SRFBP1: variants seen among roughly 807,000 people sequenced by gnomAD.
SRFBP1 encodes serum response factor binding protein 1, also known as serum response factor-binding protein 1.
SRFBP1 carries 47 observed loss-of-function variants against 45.5 expected under a neutral mutation model. The observed-to-expected ratio is 1.03, with a 90% CI of 0.82 to 1.32. The LOEUF (loss-of-function observed/expected upper bound fraction) is 1.32, where lower values mean the gene tolerates loss of function less well. Among genes scored for constraint, SRFBP1 ranks in the 40% most tolerant of loss-of-function variants. The probability of loss-of-function intolerance (pLI) is 0.00; values close to 1 mark genes in which losing one functional copy is unlikely to be tolerated. For missense variants in SRFBP1, 621 were observed against 484.6 expected (o/e 1.28, Z -2.64); for synonymous variants, 203 against 166.3 (o/e 1.22, Z -1.70).
In SRFBP1 at chr5:122,058,862, A is replaced by G. The variant is rs182225949; in HGVS notation, n.312-16453A>G. 4.6e-5 allele frequency among the ~76,000 whole-genome samples: 7 copies of G among 152,294 alleles called. No homozygotes were observed. The East Asian group carries it at 1.2e-3, about 25-fold the overall frequency. Reference sequence around the variant, plus strand: ...AGCATGGTACCTCAGTGAAATGAGCATTATTTATTTATGCCAACCAACTAA... The same window carrying G: ...AGCATGGTACCTCAGTGAAATGAGCGTTATTTATTTATGCCAACCAACTAA... On this transcript the variant is annotated intron_variant and non_coding_transcript_variant, in intron 2 of 2. Transcript: ENST00000504881.
chr5:121,990,768 C>T (rs1031103995), intron 3 of SRFBP1, among the ~76,000 whole-genome samples: 1 of 152,104 alleles, frequency 6.6e-6, no homozygotes, highest in African/African-American at 2.4e-5. Flanking sequence ...TTATTGTAAG[C>T]AAAAGTTGTT....
chr5:122,009,475 A>G (rs1475212639), intron 4 of SRFBP1, among the ~76,000 whole-genome samples: 4 of 152,138 alleles, frequency 2.6e-5, no homozygotes, highest in East Asian at 3.9e-4. Context: ...ACTATGTGTT[A>G]TATCTGTGAT....
At chr5:121,971,459 G>A (rs1054103276) in intron 1 of SRFBP1, among the ~76,000 whole-genome samples, 1 of 151,918 alleles carries the variant, frequency 6.6e-6, no homozygotes, top group African/African-American at 2.4e-5. Flanking sequence ...CACAAAAGAA[G>A]GGAAGGGTTT....
intron 2 of SRFBP1, among the ~76,000 whole-genome samples, chr5:122,049,443 C>T (rs1461215551): frequency 6.6e-6 from 1 of 152,086 alleles, no homozygotes; most frequent in East Asian, 1.9e-4. Context: ...TTTAACACCC[C>T]ACTGTCAACA....
chr5:122,036,625 A>T (rs947393077), intron 2 of SRFBP1, among the ~76,000 whole-genome samples: 11 of 152,276 alleles, frequency 7.2e-5, no homozygotes, highest in African/African-American at 2.6e-4. Context: ...ATTTACGCCT[A>T]TGTGATTGAC....
intron 4 of SRFBP1, among the ~76,000 whole-genome samples, chr5:122,002,634 G>A (rs1752894406): frequency 6.6e-6 from 1 of 152,154 alleles, no homozygotes; most frequent in African/African-American, 2.4e-5. Flanking sequence ...GTTCATGGCA[G>A]TAATTATGTG....
At chr5:122,060,600 C>G (rs1257392610) in intron 2 of SRFBP1, among the ~76,000 whole-genome samples, 1 of 152,090 alleles carries the variant, frequency 6.6e-6, no homozygotes, top group Non-Finnish European at 1.5e-5. Flanking sequence ...GAAATACCTT[C>G]CCCTGAGCTT....
At chr5:121,994,147 A>G (rs1017300281) in intron 3 of SRFBP1, among the ~76,000 whole-genome samples, 2 of 151,934 alleles carry the variant, frequency 1.3e-5, no homozygotes, top group Non-Finnish European at 2.9e-5. Flanking sequence ...CCTTTATTTC[A>G]TGAAGTTTCT....
intron 3 of SRFBP1, among the ~76,000 whole-genome samples, chr5:121,982,367 T>C (rs759822958): frequency 1.6e-4 from 25 of 151,922 alleles, no homozygotes; most frequent in Non-Finnish European, 3.4e-4. Flanking sequence ...CATACTGAAA[T>C]CCCAGTTTGC....
intron 2 of SRFBP1, among the ~76,000 whole-genome samples, chr5:122,042,147 A>G (rs371645350): frequency 1.3e-5 from 2 of 152,140 alleles, no homozygotes; most frequent in African/African-American, 4.8e-5. Flanking sequence ...TTTCTGTATT[A>G]AGTTATCTGT....
chr5:122,073,951 A>G (rs1754532815), intron 2 of SRFBP1: 1 of 1,472,740 alleles, frequency 6.8e-7, no homozygotes, highest in South Asian at 1.2e-5. Flanking sequence ...AATGCTAACT[A>G]ACGGTAGATG....
intron 2 of SRFBP1, among the ~76,000 whole-genome samples, chr5:122,048,942 C>G (rs1753916086): frequency 6.6e-6 from 1 of 151,994 alleles, no homozygotes; most frequent in Non-Finnish European, 1.5e-5. Context: ...CTCTTTTCTT[C>G]TTTATTAGTA....
chr5:122,035,222 C>T (rs1360591742), intron 2 of SRFBP1, among the ~76,000 whole-genome samples: 1 of 152,096 alleles, frequency 6.6e-6, no homozygotes, highest in Non-Finnish European at 1.5e-5. Context: ...ATCTTTCCTA[C>T]AGCAGCAGCC....
In SRFBP1 at chr5:121,980,257, TATA is replaced by T. The variant is rs571420405; in HGVS notation, c.198+4874_198+4876del. On this transcript the variant is annotated intron_variant, in intron 3 of 7. Coordinates refer to ENST00000339397, the MANE Select transcript of SRFBP1 (RefSeq NM_152546.3). ...TCAAACCTATAGAAAATTGTAATAC[TATA>T]ATATAATAATAGTGTTTTGTATCAC... 7.2e-3 allele frequency among the ~76,000 whole-genome samples: 1,092 copies of T among 152,326 alleles called. 4 individuals are homozygous for T. Among genetic ancestry groups the T allele is most frequent in the Non-Finnish European group, 0.012 (787 of 68,012 alleles).
At chr5:122,033,981 G>A (rs1327732725) in intron 2 of SRFBP1, among the ~76,000 whole-genome samples, 6 of 151,226 alleles carry the variant, frequency 4.0e-5, no homozygotes, top group South Asian at 2.1e-4. Context: ...ACGCCACCAC[G>A]CCCAGCTAAT....
chr5:121,984,946 G>A (rs1057143586), intron 3 of SRFBP1, among the ~76,000 whole-genome samples: 1 of 151,736 alleles, frequency 6.6e-6, no homozygotes, highest in Admixed American at 6.6e-5. Context: ...TTTTAGTCTG[G>A]TACTTTGCCA....
At chr5:122,026,847 T>C in intron 7 of SRFBP1, 95 bp from the exon 8 acceptor site, 1 of 863,418 alleles carries the variant, frequency 1.2e-6, no homozygotes, top group Non-Finnish European at 1.6e-6. Flanking sequence ...AAACAAAATT[T>C]CTTTTTTTAA....
intron 2 of SRFBP1, among the ~76,000 whole-genome samples, chr5:122,035,992 A>T (rs1396007076): frequency 6.6e-6 from 1 of 152,206 alleles, no homozygotes; most frequent in African/African-American, 2.4e-5. Flanking sequence ...GGTATCAAAC[A>T]AACGATGGTC....
chr5:121,997,897 CA>C (rs1394626494), intron 4 of SRFBP1, among the ~76,000 whole-genome samples: 1 of 148,542 alleles, frequency 6.7e-6, no homozygotes, highest in African/African-American at 2.5e-5. Context: ...TTTATGCAGC[CA>C]AAAAACACAT....
Sources: allele counts gnomAD v4.1 joint callset (sites outside exome capture counted in the v4.1 genomes callset), GRCh38; gene constraint gnomAD v4.1.1; transcripts MANE v1.5; gene names NCBI Gene and HGNC (gene_info 2026-07-23, HGNC 2026-07-21).